The following C17orf99 variants were observed in gnomAD, a reference collection of about 807,000 sequenced individuals.
C17orf99 encodes protein IL-40.
In C17orf99, 18 loss-of-function variants were observed where a neutral mutation model predicts 22.6. The ratio of observed to expected loss-of-function variants is 0.80; its 90% CI spans 0.55 to 1.18. The LOEUF is 1.18. Among genes scored for constraint, C17orf99 ranks in the 50% most tolerant of loss-of-function variants. C17orf99 has a pLI of 0.00. For synonymous variants in C17orf99, 147 were observed against 136.6 expected (o/e 1.08, Z -0.53); for missense variants, 328 against 342.7 (o/e 0.96, Z 0.34).
At chr17:78,147,777 C>A (rs2145766442) in intron 2 of C17orf99, among the ~76,000 whole-genome samples, 1 of 152,272 alleles carries the variant, frequency 6.6e-6, no homozygotes, top group South Asian at 2.1e-4. Context: ...ATTATTTCCT[C>A]ATTTGCTTTA....
chr17:78,158,435 C>T (rs941393496), intron 2 of C17orf99: 21 of 208,518 alleles, frequency 1.0e-4, no homozygotes, highest in African/African-American at 2.8e-4. Context: ...GCTGGGACTA[C>T]GGGCACCCAC....
chr17:78,146,741 T>G lies in C17orf99; in HGVS notation c.38-138T>G. The G allele has an allele frequency of 1.2e-6, 1 of 814,878 alleles. No individual in the cohort carries two copies. Among genetic ancestry groups the G allele is most frequent in the Non-Finnish European group, 2.0e-6 (1 of 496,674 alleles). The allele number at this position is 814,878 out of a possible 1,614,324, so 50.5% of individuals were successfully genotyped here. On this transcript the variant is annotated intron_variant, in intron 1 of 4. Coordinates refer to ENST00000340363, the MANE Select transcript of C17orf99 (RefSeq NM_001163075.2). The surrounding 1 kb of genome is among the most constrained non-coding windows in gnomAD (Gnocchi z 5.2). The stretch of plus-strand genomic sequence containing the variant: ...GCAAAAGAGCTTTTGTGAGTGATGG[T>G]GCCAGCTGAGTCCTGGGGCCTCACT...
chr17:78,164,651 C>T, intron 4 of C17orf99: 1 of 1,468,218 alleles, frequency 6.8e-7, no homozygotes, highest in Non-Finnish European at 9.1e-7. Flanking sequence ...TGGGCTGGAC[C>T]ACGTGGGCCA....
At chr17:78,148,336 T>G (rs908998496) in intron 2 of C17orf99, among the ~76,000 whole-genome samples, 1 of 152,040 alleles carries the variant, frequency 6.6e-6, no homozygotes, top group Non-Finnish European at 1.5e-5. Context: ...TGCACCACCA[T>G]GCCCAGCTGA....
chr17:78,161,768 C>T (rs545102117), intron 3 of C17orf99, among the ~76,000 whole-genome samples: 280 of 150,594 alleles, frequency 1.9e-3, no homozygotes, highest in African/African-American at 6.3e-3. Flanking sequence ...CGCTTGAACC[C>T]GGGAGGCAGA....
chr17:78,164,554 G>A (rs529714872), intron 4 of C17orf99, 190 bp downstream of exon 4: 10 of 1,533,042 alleles, frequency 6.5e-6, no homozygotes, highest in South Asian at 2.4e-5. Context: ...AGCTGCCTCC[G>A]CCCCCTCCCA....
In C17orf99 at chr17:78,159,564, G is replaced by A. The variant is rs941720083; in HGVS notation, c.71-1391G>A. ...TGAGGCACGAGAATCTCTTGAACACGGGAGGCGACAGTGCAAGACTCTGTC... is the reference window on the plus strand; with the variant it reads ...TGAGGCACGAGAATCTCTTGAACACAGGAGGCGACAGTGCAAGACTCTGTC... On this transcript the variant is annotated intron_variant, in intron 2 of 4. Transcript: ENST00000340363. Among the ~76,000 whole-genome samples, 9 of 148,812 alleles carry A rather than the reference G, an allele frequency of 6.0e-5. No homozygotes were observed. In the South Asian group the frequency reaches 1.5e-3, roughly 25 times the overall value.
At chr17:78,147,187 A>C (rs1242836617) in intron 2 of C17orf99, among the ~76,000 whole-genome samples, 1 of 152,312 alleles carries the variant, frequency 6.6e-6, no homozygotes, top group Non-Finnish European at 1.5e-5. Context: ...TTTGGAGGGA[A>C]GATTCCCTGG....
chr17:78,146,272 TG>T, upstream of C17orf99: 1 of 706,838 alleles, frequency 1.4e-6, no homozygotes, highest in Non-Finnish European at 2.3e-6. This position sits in a 1 kb window ranked among gnomAD's most constrained non-coding sequence, Gnocchi z 5.2. Flanking sequence ...GCTGAGGCCC[TG>T]GGGTGCTGCG....
rs2075569009 is a variant in C17orf99 at position 78,160,819 on chromosome 17, G to C, written c.71-136G>C. On this transcript the variant is annotated intron_variant, in intron 2 of 4. Coordinates refer to ENST00000340363, the MANE Select transcript of C17orf99 (RefSeq NM_001163075.2). ...ACTGGTTTTGAACTCCTGACCTCAA[G>C]TGATCCGTCCACCTGGACCTCCCAA... 4.5e-6 allele frequency: 3 copies of C among 674,018 alleles called. No homozygotes were observed. In the South Asian group the frequency reaches 5.8e-5, roughly 13 times the overall value. The allele number at this position is 674,018 out of a possible 1,614,324, so 41.8% of individuals were successfully genotyped here. A position where few individuals can be genotyped will look rare whatever the true frequency, so the allele number is the denominator to read the frequency against.
intron 3 of C17orf99, among the ~76,000 whole-genome samples, chr17:78,162,561 G>T (rs1329449905): frequency 6.6e-6 from 1 of 151,728 alleles, no homozygotes; most frequent in Non-Finnish European, 1.5e-5. Flanking sequence ...CAGCCCAACG[G>T]GTCCAAGGTT....
intron 2 of C17orf99, among the ~76,000 whole-genome samples, chr17:78,154,506 C>T (rs1218884558): frequency 6.6e-6 from 1 of 151,546 alleles, no homozygotes; most frequent in African/African-American, 2.4e-5. Flanking sequence ...CAAGATTACA[C>T]CACTGCCCTG....
intron 4 of C17orf99, chr17:78,165,025 C>G (rs951113693): frequency 9.3e-7 from 1 of 1,078,932 alleles, no homozygotes; most frequent in African/African-American, 1.7e-5. Context: ...GGAGCTCCTG[C>G]CTTCTGTGAG....
intron 3 of C17orf99, among the ~76,000 whole-genome samples, chr17:78,162,200 C>T (rs1025636011): frequency 2.0e-5 from 3 of 149,914 alleles, no homozygotes; most frequent in African/African-American, 7.4e-5. Flanking sequence ...CACTTGAACC[C>T]AGGAGATGAA....
intron 4 of C17orf99, 38 bp from the exon 5 acceptor site, chr17:78,165,851 T>A: frequency 2.3e-6 from 3 of 1,282,994 alleles, no homozygotes; most frequent in Non-Finnish European, 1.0e-6. Context: ...GGCTGGGAGG[T>A]GAGCCTGCCT....
At chr17:78,157,375 A>T in intron 2 of C17orf99, 1 of 1,106,836 alleles carries the variant, frequency 9.0e-7, no homozygotes, top group Non-Finnish European at 1.3e-6. Flanking sequence ...CAGCCAGTGG[A>T]CAGGGTTGAG....
In C17orf99 at chr17:78,161,232, G is replaced by A. The variant is rs997226490; in HGVS notation, c.348G>A (p.Gln116=). ...CCCATGTGGACAGTGCCAGGCTACAGATGCACTGGGAGCTGTGGTCCAGTG... is the reference window on the plus strand; with the variant it reads ...CCCATGTGGACAGTGCCAGGCTACAAATGCACTGGGAGCTGTGGTCCAGTG... ...SGAHVDSARL[Q]MHWELWSKPV... The change falls in exon 3 of 5, where the codon CAG becomes CAA. Residue 116 remains glutamine (Q), a synonymous_variant. Coordinates refer to ENST00000340363, the MANE Select transcript of C17orf99 (RefSeq NM_001163075.2). 2.5e-5 allele frequency: 39 copies of A among 1,551,616 alleles called. No individual in the cohort carries two copies. Among genetic ancestry groups the A allele is most frequent in the Admixed American group, 1.4e-4 (7 of 50,980 alleles).
rs183861994 is a variant in C17orf99, at chr17:78,157,625, C to T, written c.71-3330C>T. 4,318 of 469,496 alleles carry T rather than the reference C, an allele frequency of 9.2e-3. 29 individuals are homozygous for T. The highest frequency in any genetic ancestry group is 0.012 in the Non-Finnish European group (3,365 of 271,724). The allele number at this position is 469,496 out of a possible 1,614,324, so 29.1% of individuals were successfully genotyped here. Reference sequence around the variant, plus strand: ...CATCCTGGCTAAAATGGTGAAACCCCGTCTCTACTAAAAATACAAAAATTA... The same window carrying T: ...CATCCTGGCTAAAATGGTGAAACCCTGTCTCTACTAAAAATACAAAAATTA... On this transcript the variant is annotated intron_variant, in intron 2 of 4. Transcript: ENST00000340363.
At chr17:78,150,014 TTTTTTTTTTTTTGAGACAGGGTC>T (rs2075468750) in intron 2 of C17orf99, among the ~76,000 whole-genome samples, 2 of 126,438 alleles carry the variant, frequency 1.6e-5, no homozygotes, top group African/African-American at 7.1e-5. Context: ...CGGAAGCTAA[TTTTTTTTTTTTTGAGACAGGGTC>T]TTGCCATGTT....
Sources: allele counts gnomAD v4.1 joint callset (sites outside exome capture counted in the v4.1 genomes callset), GRCh38; gene constraint gnomAD v4.1.1; non-coding constraint Gnocchi (gnomAD v3.1); transcripts MANE v1.5; gene names NCBI Gene and HGNC (gene_info 2026-07-23, HGNC 2026-07-21).